The following ADAMTSL1 variants were observed in gnomAD, a reference collection of about 807,000 sequenced individuals.
ADAMTSL1 encodes the protein ADAMTS like 1.
In ADAMTSL1, 126 loss-of-function variants were observed where a neutral mutation model predicts 201.8. The observed-to-expected ratio is 0.62, with a 90% CI of 0.54 to 0.72. The LOEUF (loss-of-function observed/expected upper bound fraction) is 0.72, where lower values mean the gene tolerates loss of function less well. ADAMTSL1 is among the 30% of genes least tolerant of loss of function. The pLI, the probability that ADAMTSL1 is intolerant of heterozygous loss-of-function variation, is 0.00. For synonymous variants in ADAMTSL1, 1,121 were observed against 903.4 expected, an observed-to-expected ratio of 1.24 and a Z score of -4.32; for missense variants, 2,679 against 2,277.8, an observed-to-expected ratio of 1.18 and a Z score of -3.59.
chr9:18,774,670 T>A (rs1820876792), intron 17 of ADAMTSL1, among the ~76,000 whole-genome samples: 1 of 152,230 alleles, frequency 6.6e-6, no homozygotes, highest in Admixed American at 6.5e-5. Flanking sequence ...AAATTTGACT[T>A]AGTATGTTTT....
intron 1 of ADAMTSL1, among the ~76,000 whole-genome samples, chr9:17,983,619 A>G (rs7860375): frequency 6.6e-6 from 1 of 152,170 alleles, no homozygotes; most frequent in Non-Finnish European, 1.5e-5. Flanking sequence ...TGTGATTTCA[A>G]TTTAAAATGT....
At position 18,369,029 on chromosome 9, in the gene ADAMTSL1, A is replaced by G. The variant is rs143671736; in HGVS notation, c.208-135800A>G. 2.8e-4 allele frequency among the ~76,000 whole-genome samples: 43 copies of G among 152,348 alleles called. No homozygotes were observed. In the East Asian group the frequency reaches 8.3e-3, roughly 29 times the overall value. On this transcript the variant is annotated intron_variant, in intron 2 of 29. Transcript: ENST00000680146. ...CTGTTCTTCACTTGCAGATGTGTCT[A>G]AATATGTCAATGAAAGGAACTGGAA...
chr9:18,207,332 A>G (rs902353179), intron 2 of ADAMTSL1, among the ~76,000 whole-genome samples: 1 of 152,170 alleles, frequency 6.6e-6, no homozygotes, highest in Non-Finnish European at 1.5e-5. Flanking sequence ...GATTTGTCAG[A>G]CAGTACGTCT....
At chr9:18,040,518 T>C (rs888954452) in intron 1 of ADAMTSL1, among the ~76,000 whole-genome samples, 1 of 152,178 alleles carries the variant, frequency 6.6e-6, no homozygotes, top group African/African-American at 2.4e-5. Context: ...TTATACATTA[T>C]GTGTAGACGA....
Position 18,879,815 on chromosome 9 carries a change from A to G in ADAMTSL1, c.4250-8016A>G, listed in dbSNP as rs371376014. Among the ~76,000 whole-genome samples, 5 of 152,346 alleles carry G rather than the reference A, an allele frequency of 3.3e-5. No homozygotes were observed. In the East Asian group the frequency reaches 5.8e-4, roughly 18 times the overall value. On this transcript the variant is annotated intron_variant, in intron 23 of 28. Coordinates refer to ENST00000380548, the MANE Select transcript of ADAMTSL1 (RefSeq NM_001040272.6). ...TGCATCGATTGATTCATCTCATGAA[A>G]GAGTCCTCTGTAGCATGTGATGCTG...
rs138646299 is a variant in ADAMTSL1 at position 18,640,653 on chromosome 9, C to A, written c.834+1242C>A. 3.0e-4 allele frequency among the ~76,000 whole-genome samples: 45 copies of A among 152,134 alleles called. No homozygotes were observed. The East Asian group carries it at 8.3e-3, about 28-fold the overall frequency. ...GAGCCCCAGAAACCTGCTTTATCAT[C>A]TTTATTTTTTTAATCTTATAAATGA... On this transcript the variant is annotated intron_variant, in intron 7 of 28. Coordinates refer to ENST00000380548, the MANE Select transcript of ADAMTSL1 (RefSeq NM_001040272.6).
chr9:18,858,916 T>A (rs1032420858), intron 23 of ADAMTSL1, among the ~76,000 whole-genome samples: 1 of 152,222 alleles, frequency 6.6e-6, no homozygotes, highest in African/African-American at 2.4e-5. Context: ...TCCAGAACTT[T>A]ATTCAGTTTC....
At chr9:18,107,840 G>A (rs73420882) in intron 1 of ADAMTSL1, among the ~76,000 whole-genome samples, 1 of 152,170 alleles carries the variant, frequency 6.6e-6, no homozygotes, top group East Asian at 1.9e-4. Flanking sequence ...GTTACGCCAG[G>A]AAGTGTTAAA....
intron 19 of ADAMTSL1, among the ~76,000 whole-genome samples, chr9:18,792,497 C>T (rs75810652): frequency 0.019 from 2,944 of 152,284 alleles, 87 homozygotes; most frequent in African/African-American, 0.061. Flanking sequence ...GTTTCCAGTG[C>T]CAGGGAGCCA....
At chr9:18,306,390 C>G (rs377269871) in intron 2 of ADAMTSL1, among the ~76,000 whole-genome samples, 2 of 152,112 alleles carry the variant, frequency 1.3e-5, no homozygotes, top group South Asian at 4.2e-4. Flanking sequence ...TAATAACAAA[C>G]TCCTCCAAGC....
intron 15 of ADAMTSL1, among the ~76,000 whole-genome samples, chr9:18,750,298 C>T (rs1202579499): frequency 6.6e-6 from 1 of 152,102 alleles, no homozygotes; most frequent in African/African-American, 2.4e-5. Flanking sequence ...TAGTTTTTAC[C>T]CACCGAGGGT....
intron 2 of ADAMTSL1, among the ~76,000 whole-genome samples, chr9:18,511,738 T>C (rs1351273141): frequency 6.6e-6 from 1 of 152,220 alleles, no homozygotes; most frequent in Non-Finnish European, 1.5e-5. Flanking sequence ...CATGAAAATA[T>C]TGATACACTA....
intron 20 of ADAMTSL1, among the ~76,000 whole-genome samples, chr9:18,799,615 A>G (rs1822648444): frequency 6.6e-6 from 1 of 152,216 alleles, no homozygotes; most frequent in South Asian, 2.1e-4. Flanking sequence ...GACATCATCA[A>G]TGGGAAATGA....
In ADAMTSL1 at chr9:18,904,633, CAAAAAAAAAAAAAAAAAAAAAAAA is replaced by C. The variant is rs71333072; in HGVS notation, c.4852-1133_4852-1110del. Among the ~76,000 whole-genome samples the C allele has an allele frequency of 3.3e-3, 50 of 15,008 alleles. 1 individual carries two copies. Among genetic ancestry groups the C allele is most frequent in the Admixed American group, 0.013 (7 of 548 alleles). The allele number at this position is 15,008 out of a possible 152,430, so 9.8% of individuals were successfully genotyped here. On this transcript the variant is annotated intron_variant, in intron 26 of 28. Coordinates refer to ENST00000380548, the MANE Select transcript of ADAMTSL1 (RefSeq NM_001040272.6). ...TGGGCAACAGAAAGAGACCCTGCCT[CAAAAAAAAAAAAAAAAAAAAAAAA>C]AAAAAAAAAAAAAAAGGTCCGTTTA...
rs1225395504 is a variant in ADAMTSL1, at chr9:17,940,727, AG to A, written c.87+33806del. ...GCATAACGTGCAAAAAAAAAAAAAA[AG>A]AAAAAAAAGAAAAAAAATGAGACCC... On this transcript the variant is annotated intron_variant, in intron 1 of 29. Coordinates refer to the ADAMTSL1 transcript ENST00000680146. Among the ~76,000 whole-genome samples the A allele has an allele frequency of 4.6e-3, 585 of 128,084 alleles. 5 individuals are homozygous for A. The highest frequency in any genetic ancestry group is 0.017 in the African/African-American group (555 of 33,156). The allele number at this position is 128,084 out of a possible 152,430, so 84.0% of individuals were successfully genotyped here. A position where few individuals can be genotyped will look rare whatever the true frequency, so the allele number is the denominator to read the frequency against.
intron 1 of ADAMTSL1, among the ~76,000 whole-genome samples, chr9:17,978,052 GT>G (rs1237680443): frequency 6.6e-6 from 1 of 151,972 alleles, no homozygotes; most frequent in Admixed American, 6.6e-5. Flanking sequence ...AAAATTATAT[GT>G]GAACTTCTAT....
chr9:18,402,116 A>T (rs1379830979), intron 2 of ADAMTSL1, among the ~76,000 whole-genome samples: 1 of 152,134 alleles, frequency 6.6e-6, no homozygotes, highest in African/African-American at 2.4e-5. Flanking sequence ...CCTATATCTG[A>T]GTTTCCCCTG....
At chr9:18,217,854 T>G (rs1218885138) in intron 2 of ADAMTSL1, among the ~76,000 whole-genome samples, 2 of 146,660 alleles carry the variant, frequency 1.4e-5, no homozygotes, top group East Asian at 4.0e-4. Flanking sequence ...AGGAAAGTTG[T>G]TTTTTTTTTT....
intron 1 of ADAMTSL1, among the ~76,000 whole-genome samples, chr9:17,947,698 C>T (rs912879749): frequency 1.3e-5 from 2 of 152,206 alleles, no homozygotes; most frequent in South Asian, 4.1e-4. Context: ...GTTTTTGAAG[C>T]ATCTGATGAC....
Sources: allele counts gnomAD v4.1 joint callset (sites outside exome capture counted in the v4.1 genomes callset), GRCh38; gene constraint gnomAD v4.1.1; transcripts MANE v1.5; gene names NCBI Gene and HGNC (gene_info 2026-07-23, HGNC 2026-07-21).